SGSM2: variants seen among roughly 807,000 people sequenced by gnomAD.
SGSM2 encodes the protein RUN and TBC1 domain containing 1.
In SGSM2, 89 loss-of-function variants were observed where a neutral mutation model predicts 126.6. The observed-to-expected ratio is 0.70, with a 90% CI of 0.59 to 0.84. The LOEUF (loss-of-function observed/expected upper bound fraction) is 0.84, where lower values mean the gene tolerates loss of function less well. Among genes scored for constraint, SGSM2 ranks in the 40% least tolerant of loss-of-function variants. The probability of loss-of-function intolerance (pLI) is 0.00; values close to 1 mark genes in which losing one functional copy is unlikely to be tolerated. For synonymous variants in SGSM2, 614 were observed against 574.3 expected (o/e 1.07, Z -0.99); for missense variants, 1,404 against 1,416.6 (o/e 0.99, Z 0.14).
intron 2 of SGSM2, among the ~76,000 whole-genome samples, chr17:2,347,932 C>T (rs1236572635): frequency 6.6e-6 from 1 of 152,174 alleles, no homozygotes; most frequent in African/African-American, 2.4e-5. Context: ...CTCCCCACCC[C>T]CCAGGGATTG....
chr17:2,363,768 T>A lies in SGSM2; in HGVS notation c.807+169T>A. On this transcript the variant is annotated intron_variant, in intron 7 of 23. Transcript: ENST00000268989. This position sits in a 1 kb window ranked among gnomAD's most constrained non-coding sequence, Gnocchi z 4.2. ...ACACGACTCACGCCCAGCCTTTAGT[T>A]GGCAGGGGACAGGAATGGCAGCCAG... is the stretch of plus-strand genomic sequence containing the variant. 9.2e-7 allele frequency: 1 copy of A among 1,086,150 alleles called. No homozygotes were observed. The highest frequency in any genetic ancestry group is 1.3e-6 in the Non-Finnish European group (1 of 770,698). The allele number at this position is 1,086,150 out of a possible 1,614,324, so 67.3% of individuals were successfully genotyped here. A position where few individuals can be genotyped will look rare whatever the true frequency, so the allele number is the denominator to read the frequency against.
chr17:2,374,396 G>A (rs1350718902), intron 17 of SGSM2: 1 of 152,072 alleles, frequency 6.6e-6, no homozygotes, highest in Non-Finnish European at 1.5e-5. Context: ...GGGTAACATG[G>A]CGAAACCCTG....
rs1161547518 is a variant in SGSM2 at position 2,373,438 on chromosome 17, C to T, written c.2025C>T (p.Thr675=). The T allele has an allele frequency of 6.2e-7, 1 of 1,611,160 alleles. No individual in the cohort carries two copies. Among genetic ancestry groups the T allele is most frequent in the Non-Finnish European group, 8.5e-7 (1 of 1,179,982 alleles). The stretch of plus-strand genomic sequence containing the variant: ...GGGAGGCCCACCCAGCCACACGCAC[C>T]AAGTTCTCCTCAGGCAGCAGCATCG... ...REREAHPATR[T]KFSSGSSIDS... is the part of the protein sequence containing the mutation. The change falls in exon 17 of 24, where the codon ACC becomes ACT. Residue 675 remains threonine, a synonymous_variant. Coordinates refer to ENST00000268989, the MANE Select transcript of SGSM2 (RefSeq NM_014853.3).
Position 2,364,352 on chromosome 17 carries a change from C to T in SGSM2, c.932+169C>T, listed in dbSNP as rs571335526. On this transcript the variant is annotated intron_variant, in intron 8 of 23. Transcript: ENST00000268989. ...GGAGTGATTCCCAAGCTCTCTAGGA[C>T]GGAGCCAAGCCTGGCCGTGAAGAGG... 2.3e-4 allele frequency: 219 copies of T among 949,764 alleles called. No homozygotes were observed. The African/African-American group carries it at 2.6e-3, about 11-fold the overall frequency. 58.8% of individuals were successfully genotyped at this position (949,764 alleles called of 1,614,324 possible). A position where few individuals can be genotyped will look rare whatever the true frequency, so the allele number is the denominator to read the frequency against.
At chr17:2,366,771 T>C (rs1366938715) in intron 11 of SGSM2, 1 of 152,664 alleles carries the variant, frequency 6.6e-6, no homozygotes, top group African/African-American at 2.4e-5. Flanking sequence ...ACCAAGCGAC[T>C]CCAGCTCCTT....
chr17:2,375,755 T>C lies in SGSM2; in HGVS notation c.2364T>C (p.Ser788=). 1.9e-6 allele frequency: 3 copies of C among 1,604,202 alleles called. No homozygotes were observed. Among genetic ancestry groups the C allele is most frequent in the Non-Finnish European group, 2.6e-6 (3 of 1,174,072 alleles). Residue 788 remains serine (S), a synonymous_variant, in exon 18 of 24, where the codon AGT becomes AGC. Coordinates refer to ENST00000268989, the MANE Select transcript of SGSM2 (RefSeq NM_014853.3). ...ACGGCGGTGGGGAGGAAGGCTCCAG[T>C]GGGCCCGGCCCTGCAGCTCACACTT... ...EEDGGGEEGS[S]GPGPAAHTLR...
chr17:2,376,824 T>A lies in SGSM2; in HGVS notation c.2692+9T>A. 1 of 1,613,912 alleles carries A rather than the reference T, an allele frequency of 6.2e-7. No individual in the cohort carries two copies. Among genetic ancestry groups the A allele is most frequent in the Admixed American group, 1.7e-5 (1 of 60,028 alleles). ...GGTCACCCTCGACAATGGTGAGGGA[T>A]GGCGGGACATGGGACTGGGCTGCGT... On this transcript the variant is annotated intron_variant, in intron 20 of 23. Transcript: ENST00000268989.
In SGSM2 at chr17:2,376,947, G is replaced by T; in HGVS notation, c.2693-12G>T. The T allele has an allele frequency of 1.9e-6, 3 of 1,611,296 alleles. No homozygotes were observed. Among genetic ancestry groups the T allele is most frequent in the Non-Finnish European group, 2.5e-6 (3 of 1,178,046 alleles). On this transcript the variant is annotated splice_polypyrimidine_tract_variant and intron_variant, in intron 20 of 23. Coordinates refer to ENST00000268989, the MANE Select transcript of SGSM2 (RefSeq NM_014853.3). ...CTCCTGCCCTGCCAGCTTCACTCCT[G>T]TCTCCCCTCAGATCAGCTGGCCTAC...
At chr17:2,364,787 G>A (rs1052403178) in intron 9 of SGSM2, 110 bp from the exon 10 acceptor site, 57 of 1,557,570 alleles carry the variant, frequency 3.7e-5, no homozygotes, top group Non-Finnish European at 4.8e-5. Flanking sequence ...GGGCTCCCAG[G>A]CCATGCTGTA....
intron 19 of SGSM2, chr17:2,376,474 A>C: frequency 1.5e-6 from 1 of 674,518 alleles, no homozygotes; most frequent in South Asian, 1.9e-5. Flanking sequence ...ACACCTCTTC[A>C]GGAAGCTTTC....
At chr17:2,377,147 C>A in intron 21 of SGSM2, 79 bp downstream of exon 21, 1 of 823,334 alleles carries the variant, frequency 1.2e-6, no homozygotes, top group Non-Finnish European at 2.0e-6. Flanking sequence ...AGGGAGCATT[C>A]CACAAACATA....
At position 2,365,285 on chromosome 17, in the gene SGSM2, G is replaced by A. The variant is rs1244642132; in HGVS notation, c.1232G>A (p.Gly411Glu). 1.9e-6 allele frequency: 3 copies of A among 1,597,342 alleles called. No individual in the cohort carries two copies. In the African/African-American group the frequency reaches 4.0e-5, roughly 21 times the overall value. Residue 411 changes from glycine (G) to glutamate (E), a missense_variant, in exon 11 of 24, where the codon GGG (glycine) becomes GAG (glutamate). Coordinates refer to ENST00000268989, the MANE Select transcript of SGSM2 (RefSeq NM_014853.3). ...RSVDMEEMGTGRATDYVFRII... is the reference protein window; with the variant it reads ...RSVDMEEMGTERATDYVFRII... ...GTGGATATGGAGGAGATGGGCACGGGGCGGGCCACCGACTATGTGTTCCGG... is the reference window on the plus strand; with the variant it reads ...GTGGATATGGAGGAGATGGGCACGGAGCGGGCCACCGACTATGTGTTCCGG...
rs1305848101 is a variant in SGSM2, at chr17:2,361,487, G to A, written c.134-150G>A. 1.8e-5 allele frequency: 17 copies of A among 931,178 alleles called. No individual in the cohort carries two copies. The East Asian group carries it at 4.5e-4, about 25-fold the overall frequency. The allele number at this position is 931,178 out of a possible 1,614,324, so 57.7% of individuals were successfully genotyped here. On this transcript the variant is annotated intron_variant, in intron 2 of 23. Coordinates refer to ENST00000268989, the MANE Select transcript of SGSM2 (RefSeq NM_014853.3). Reference sequence around the variant, plus strand: ...CGGGCAGGAGCCGAGGGACGGGGAGGGGAATTTTGGAAGGAAGCCAGGGTA... The same window carrying A: ...CGGGCAGGAGCCGAGGGACGGGGAGAGGAATTTTGGAAGGAAGCCAGGGTA...
intron 7 of SGSM2, 24 bp from the exon 8 acceptor site, chr17:2,364,035 G>A: frequency 1.2e-6 from 2 of 1,613,890 alleles, no homozygotes; most frequent in Non-Finnish European, 1.7e-6. Context: ...TTCATCGTCG[G>A]TCTTCCGGTG....
Position 2,379,858 on chromosome 17 carries a change from C to G in SGSM2, c.*338C>G. 1 of 1,305,572 alleles carries G rather than the reference C, an allele frequency of 7.7e-7. No homozygotes were observed. The highest frequency in any genetic ancestry group is 1.5e-5 in the African/African-American group (1 of 68,010). The allele number at this position is 1,305,572 out of a possible 1,614,324, so 80.9% of individuals were successfully genotyped here. ...CTGCTGCCCACGAGTGAACCTGGGG[C>G]CCCACAGGATTAACAGGGGCTATAG... On this transcript the variant is annotated 3_prime_UTR_variant, in exon 24 of 24. Coordinates refer to ENST00000268989, the MANE Select transcript of SGSM2 (RefSeq NM_014853.3).
intron 18 of SGSM2, 47 bp downstream of exon 18, chr17:2,375,922 C>G (rs768694484): frequency 6.6e-7 from 1 of 1,509,638 alleles, no homozygotes; most frequent in Non-Finnish European, 8.8e-7. Context: ...CAGAGGCCCT[C>G]CTGACATCCC....
chr17:2,380,413 T>G lies in SGSM2; in HGVS notation c.*893T>G. 1 of 1,050,818 alleles carries G rather than the reference T, an allele frequency of 9.5e-7. No homozygotes were observed. The highest frequency in any genetic ancestry group is 1.6e-5 in the African/African-American group (1 of 63,720). The allele number at this position is 1,050,818 out of a possible 1,614,324, so 65.1% of individuals were successfully genotyped here. A position where few individuals can be genotyped will look rare whatever the true frequency, so the allele number is the denominator to read the frequency against. On this transcript the variant is annotated 3_prime_UTR_variant, in exon 24 of 24. Coordinates refer to ENST00000268989, the MANE Select transcript of SGSM2 (RefSeq NM_014853.3). ...CCTCCCCTCAGAGACAGGCCTCAGT[T>G]CGAGGGCAGCCCATTATCTGTCGCA...
rs1456132956 is a variant in SGSM2 at position 2,337,537 on chromosome 17, C to A, written c.-152C>A. 2 of 237,312 alleles carry A rather than the reference C, an allele frequency of 8.4e-6. No individual in the cohort carries two copies. Among genetic ancestry groups the A allele is most frequent in the East Asian group, 3.3e-4 (2 of 6,132 alleles). The allele number at this position is 237,312 out of a possible 1,614,324, so 14.7% of individuals were successfully genotyped here. A position where few individuals can be genotyped will look rare whatever the true frequency, so the allele number is the denominator to read the frequency against. On this transcript the variant is annotated 5_prime_UTR_variant, in exon 1 of 24. Transcript: ENST00000268989. The surrounding 1 kb of genome is among the most constrained non-coding windows in gnomAD (Gnocchi z 5.1). ...GGAAGATGGCTGCGGAGCCGAGCAC[C>A]GGGCAGTGGCTGCGGCGGCGGCGGC...
chr17:2,377,055 G>A lies in SGSM2; in HGVS notation c.2789G>A (p.Arg930His), dbSNP rs761801308. The A allele has an allele frequency of 1.9e-5, 30 of 1,611,908 alleles. No individual in the cohort carries two copies. Among genetic ancestry groups the A allele is most frequent in the Non-Finnish European group, 2.3e-5 (27 of 1,178,734 alleles). ...ATGGACACCCACTTTGCCAACATGCGCTCCCTCATCCAGGTGAGGCCGGTT... is the reference window on the plus strand; with the variant it reads ...ATGGACACCCACTTTGCCAACATGCACTCCCTCATCCAGGTGAGGCCGGTT... ...GAMDTHFANMRSLIQILDSEL... is the reference protein window; with the variant it reads ...GAMDTHFANMHSLIQILDSEL... Residue 930 changes from arginine (R) to histidine (H), a missense_variant, in exon 21 of 24, where the codon CGC becomes CAC. By Grantham distance (29) the Arg-to-His change is conservative. Coordinates refer to ENST00000268989, the MANE Select transcript of SGSM2 (RefSeq NM_014853.3).
Sources: gnomAD v4.1 joint callset for allele counts (sites outside exome capture counted in the v4.1 genomes callset) on GRCh38, gnomAD v4.1.1 for gene constraint, Gnocchi (gnomAD v3.1) non-coding constraint, MANE v1.5 for transcripts, NCBI Gene and HGNC (gene_info 2026-07-23, HGNC 2026-07-21) for gene names.